CALN1: variants seen among roughly 807,000 people sequenced by gnomAD.
CALN1 encodes calneuron 1, also known as calcium-binding protein 8.
In CALN1, 17 loss-of-function variants were observed where a neutral mutation model predicts 30.6. That is an observed-to-expected ratio of 0.56 (90% CI 0.38 to 0.83). The LOEUF is 0.83. Ranked by LOEUF, CALN1 falls within the 40% of genes least tolerant of loss-of-function variation. CALN1 has a pLI of 0.00. For missense variants in CALN1, 291 were observed against 354.9 expected, an observed-to-expected ratio of 0.82 and a Z score of 1.45; for synonymous variants, 156 against 131.4, an observed-to-expected ratio of 1.19 and a Z score of -1.28.
At chr7:72,258,134 AC>A (rs768195842) in intron 3 of CALN1, among the ~76,000 whole-genome samples, 50 of 152,266 alleles carry the variant, frequency 3.3e-4, no homozygotes, top group Non-Finnish European at 5.6e-4. Flanking sequence ...TTAAAAAAAA[AC>A]TTGCCTAAGA....
At chr7:72,311,547 T>A (rs149373670) in intron 2 of CALN1, among the ~76,000 whole-genome samples, 1,754 of 151,992 alleles carry the variant, frequency 0.012, 36 homozygotes, top group African/African-American at 0.041. Flanking sequence ...TGGCTTGATC[T>A]CGGCTCACTG....
chr7:72,408,451 A>AAC (rs1228098310), intron 1 of CALN1, among the ~76,000 whole-genome samples: 1 of 151,822 alleles, frequency 6.6e-6, no homozygotes. Context: ...AAAAAAATTA[A>AAC]ACACACACAC....
intron 2 of CALN1, among the ~76,000 whole-genome samples, chr7:72,282,118 G>T: frequency 6.6e-6 from 1 of 152,112 alleles, no homozygotes; most frequent in East Asian, 1.9e-4. Context: ...AACAGCTGCT[G>T]CAATTAAGGA....
chr7:71,951,054 T>G (rs1391890694), intron 5 of CALN1, among the ~76,000 whole-genome samples: 2 of 152,226 alleles, frequency 1.3e-5, no homozygotes, highest in African/African-American at 4.8e-5. Context: ...GTTTGTTCAT[T>G]TATTGCCTGT....
chr7:72,320,546 C>T (rs552958926), intron 2 of CALN1, among the ~76,000 whole-genome samples: 5 of 152,198 alleles, frequency 3.3e-5, no homozygotes, highest in African/African-American at 7.2e-5. Context: ...ATTAGAATTA[C>T]AGAGGCAGCT....
chr7:72,400,934 G>A (rs954251294), intron 2 of CALN1, among the ~76,000 whole-genome samples: 2 of 152,168 alleles, frequency 1.3e-5, no homozygotes, highest in African/African-American at 2.4e-5. Context: ...ACACATCAAG[G>A]AGACTCCTCT....
chr7:71,864,699 A>T (rs1052324361), intron 5 of CALN1, among the ~76,000 whole-genome samples: 2 of 152,172 alleles, frequency 1.3e-5, no homozygotes, highest in African/African-American at 4.8e-5. Context: ...CTATTATACA[A>T]CAATAGAAAA....
At chr7:71,888,632 G>A (rs937183795) in intron 5 of CALN1, among the ~76,000 whole-genome samples, 3 of 152,150 alleles carry the variant, frequency 2.0e-5, no homozygotes, top group African/African-American at 7.2e-5. Flanking sequence ...TCAATAAAGT[G>A]AAGGGAACAG....
intron 5 of CALN1, among the ~76,000 whole-genome samples, chr7:71,852,500 T>C (rs1276630269): frequency 6.8e-6 from 1 of 146,528 alleles, no homozygotes; most frequent in East Asian, 2.0e-4. Context: ...AAATCTTAGC[T>C]GAAGTGGGAG....
At chr7:72,374,956 G>C (rs1373792114) in intron 2 of CALN1, among the ~76,000 whole-genome samples, 1 of 151,814 alleles carries the variant, frequency 6.6e-6, no homozygotes, top group Non-Finnish European at 1.5e-5. Flanking sequence ...TATAAATATG[G>C]ATCTAATTTT....
At chr7:72,164,313 T>C (rs1009952330) in intron 3 of CALN1, among the ~76,000 whole-genome samples, 9 of 145,346 alleles carry the variant, frequency 6.2e-5, no homozygotes. Context: ...ATCACGCCAT[T>C]GCACTCCAGC....
chr7:72,501,928 A>AAAAAAAAAAAAT, the CALN1 span, among the ~76,000 whole-genome samples: 2 of 57,966 alleles, frequency 3.5e-5, 1 homozygote, highest in African/African-American at 2.0e-4. Context: ...AAAAAAAAAA[A>AAAAAAAAAAAAT]ATATATATAT....
intron 2 of CALN1, among the ~76,000 whole-genome samples, chr7:72,333,644 G>A (rs1177825905): frequency 1.3e-5 from 2 of 148,422 alleles, no homozygotes; most frequent in Admixed American, 6.8e-5. Context: ...ACCAGCTGAA[G>A]TCCCAAGTGA....
intron 2 of CALN1, among the ~76,000 whole-genome samples, chr7:72,402,039 A>G (rs144432949): frequency 3.2e-4 from 48 of 152,282 alleles, no homozygotes; most frequent in Admixed American, 1.3e-3. Context: ...CCATCCCAAG[A>G]TGATCTCTGA....
At chr7:72,436,540 T>C (rs1330897601) in intron 1 of CALN1, among the ~76,000 whole-genome samples, 1 of 152,182 alleles carries the variant, frequency 6.6e-6, no homozygotes, top group Non-Finnish European at 1.5e-5. Flanking sequence ...TTAAGTCTCT[T>C]GGTGACTAGG....
At chr7:72,218,129 A>T (rs1011925772) in intron 3 of CALN1, among the ~76,000 whole-genome samples, 2 of 151,018 alleles carry the variant, frequency 1.3e-5, no homozygotes, top group African/African-American at 4.9e-5. Context: ...GGCGTGAGCC[A>T]CCCCGCTCCG....
At chr7:72,050,361 G>C (rs1279133850) in intron 4 of CALN1, among the ~76,000 whole-genome samples, 1 of 150,676 alleles carries the variant, frequency 6.6e-6, no homozygotes, top group East Asian at 1.9e-4. Flanking sequence ...ATAATATACA[G>C]AATGCTGTAG....
At chr7:71,808,617 C>T (rs17423790) in intron 6 of CALN1, among the ~76,000 whole-genome samples, 27,160 of 151,988 alleles carry the variant, frequency 0.18, 2,594 homozygotes, top group Middle Eastern at 0.27. Context: ...GGCCTTACTT[C>T]GAATTTAGAT....
rs752711073 is a variant in CALN1 at position 72,237,600 on chromosome 7, G to A, written c.244+41086C>T. 4.7e-4 allele frequency among the ~76,000 whole-genome samples: 71 copies of A among 152,196 alleles called. 1 individual carries two copies. Among genetic ancestry groups the A allele is most frequent in the Admixed American group, 3.9e-4 (6 of 15,274 alleles). On this transcript the variant is annotated intron_variant, in intron 3 of 6. Coordinates refer to ENST00000395275, the MANE Select transcript of CALN1 (RefSeq NM_031468.4). ...CAAGGAGAGTCTTCACTGCCTGTTA[G>A]AGCATTTCAGGTTGGCTTTTTAAGG... is the stretch of plus-strand genomic sequence containing the variant.
Sources: gnomAD v4.1 joint callset for allele counts (sites outside exome capture counted in the v4.1 genomes callset) on GRCh38, gnomAD v4.1.1 for gene constraint, MANE v1.5 for transcripts, NCBI Gene and HGNC (gene_info 2026-07-23, HGNC 2026-07-21) for gene names.